The following WDR93 variants were observed in gnomAD, a reference collection of about 807,000 sequenced individuals.
WDR93 encodes WD repeat-containing protein 93.
In WDR93, 73 loss-of-function variants were observed where a neutral mutation model predicts 82.9. The ratio of observed to expected loss-of-function variants is 0.88; its 90% CI spans 0.73 to 1.07. WDR93 has a LOEUF of 1.07. WDR93 is among the 50% of genes least tolerant of loss of function. WDR93 has a pLI of 0.00. For missense variants in WDR93, 738 were observed against 826.0 expected, an observed-to-expected ratio of 0.89 and a Z score of 1.31; for synonymous variants, 283 against 300.1, an observed-to-expected ratio of 0.94 and a Z score of 0.59.
chr15:89,743,524 C>A lies in WDR93; in HGVS notation c.*133C>A. On this transcript the variant is annotated 3_prime_UTR_variant, in exon 17 of 17. Transcript: ENST00000268130. ...CTGCACTCGGAGTCTGGGGCCTCTG[C>A]AGAGCCAGCAAGGGGAAAAGTATAA... 1.3e-6 allele frequency: 1 copy of A among 775,066 alleles called. No individual in the cohort carries two copies. Among genetic ancestry groups the A allele is most frequent in the Non-Finnish European group, 2.1e-6 (1 of 482,766 alleles). The allele number at this position is 775,066 out of a possible 1,614,324, so 48.0% of individuals were successfully genotyped here. A position where few individuals can be genotyped will look rare whatever the true frequency, so the allele number is the denominator to read the frequency against.
chr15:89,721,268 G>A (rs1232491512), intron 7 of WDR93: 1 of 152,086 alleles, frequency 6.6e-6, no homozygotes, highest in East Asian at 1.9e-4. Context: ...CATAAAATGA[G>A]TTTCTTGGCC....
intron 5 of WDR93, 31 bp downstream of exon 5, chr15:89,712,135 A>G (rs1343294943): frequency 6.4e-7 from 1 of 1,553,238 alleles, no homozygotes; most frequent in African/African-American, 1.4e-5. Flanking sequence ...TTAAGGTTCA[A>G]ATTTTCAGTC....
At chr15:89,728,929 ACTAT>A (rs1966839170) in intron 9 of WDR93, 90 bp from the exon 10 acceptor site, 12 of 1,087,324 alleles carry the variant, frequency 1.1e-5, no homozygotes, top group Admixed American at 1.0e-4. Context: ...GTCCATTCTA[ACTAT>A]CTATTCTGGT....
At chr15:89,690,765 G>T, upstream of WDR93, 2 of 592,594 alleles carry the variant, frequency 3.4e-6, no homozygotes, top group South Asian at 2.1e-5. Context: ...CGCCCCAGAG[G>T]GGGCGGGCAC....
chr15:89,702,219 C>T (rs1278264718), intron 2 of WDR93, among the ~76,000 whole-genome samples, 170 bp downstream of exon 2: 1 of 152,166 alleles, frequency 6.6e-6, no homozygotes, highest in Non-Finnish European at 1.5e-5. Context: ...TGGTAATTGC[C>T]TGGGGAAATA....
intron 16 of WDR93, 128 bp downstream of exon 16, chr15:89,738,364 C>T (rs1352777815): frequency 1.4e-5 from 16 of 1,138,494 alleles, no homozygotes; most frequent in East Asian, 5.0e-5. Context: ...TGGTGGCTCA[C>T]GCCTGTAATC....
In WDR93 at chr15:89,699,834, CA is replaced by C. The variant is rs1469646230; in HGVS notation, c.-40-1872del. Among the ~76,000 whole-genome samples the C allele has an allele frequency of 5.3e-5, 8 of 152,162 alleles. No individual in the cohort carries two copies. In the South Asian group the frequency reaches 1.4e-3, roughly 28 times the overall value. ...TAGAAAGATATAGATATAACAGTTACAGCTTTATAACTTTGTGGAAAAAGTT... is the reference window on the plus strand; with the variant it reads ...TAGAAAGATATAGATATAACAGTTACGCTTTATAACTTTGTGGAAAAAGTT... On this transcript the variant is annotated intron_variant, in intron 1 of 16. Transcript: ENST00000268130.
At chr15:89,694,583 G>C (rs1965073515) in intron 1 of WDR93, among the ~76,000 whole-genome samples, 1 of 152,110 alleles carries the variant, frequency 6.6e-6, no homozygotes, top group Middle Eastern at 3.2e-3. Flanking sequence ...AAATACTCTG[G>C]ACAAAAGTAC....
intron 4 of WDR93, among the ~76,000 whole-genome samples, chr15:89,707,866 A>G (rs1055640117): frequency 5.3e-5 from 8 of 152,240 alleles, no homozygotes; most frequent in Admixed American, 5.2e-4. Context: ...CTTTATTTGT[A>G]ATAGCCAAAA....
intron 11 of WDR93, among the ~76,000 whole-genome samples, chr15:89,730,101 G>T (rs1966847029): frequency 6.6e-6 from 1 of 152,166 alleles, no homozygotes; most frequent in Non-Finnish European, 1.5e-5. Context: ...GAGGCGAGTG[G>T]ATCACCTGAG....
chr15:89,734,143 C>T (rs935681225), intron 13 of WDR93, among the ~76,000 whole-genome samples: 1 of 152,184 alleles, frequency 6.6e-6, no homozygotes, highest in African/African-American at 2.4e-5. Flanking sequence ...ATCAATCCTT[C>T]TTGCTCCGCC....
Position 89,733,909 on chromosome 15 carries a change from A to G in WDR93, c.1544+690A>G, listed in dbSNP as rs757074334. Reference sequence around the variant, plus strand: ...CCAAGAAGAGGCTCATTTCTCCCACAGTAAACTTCCATCAGTTTCTCCAGG... The same window carrying G: ...CCAAGAAGAGGCTCATTTCTCCCACGGTAAACTTCCATCAGTTTCTCCAGG... On this transcript the variant is annotated intron_variant, in intron 13 of 16. Transcript: ENST00000268130. Among the ~76,000 whole-genome samples the G allele has an allele frequency of 2.6e-5, 4 of 152,254 alleles. No individual in the cohort carries two copies. The South Asian group carries it at 6.2e-4, about 24-fold the overall frequency.
chr15:89,735,816 C>T (rs76652668), intron 14 of WDR93, among the ~76,000 whole-genome samples: 5,767 of 152,224 alleles, frequency 0.038, 392 homozygotes, highest in African/African-American at 0.13. Context: ...ATGCATGGAA[C>T]AGAGAGAGGG....
At chr15:89,705,082 T>G (rs1009215205) in intron 3 of WDR93, 1 of 165,422 alleles carries the variant, frequency 6.0e-6, no homozygotes, top group African/African-American at 2.4e-5. Context: ...TACTTATTAA[T>G]TCAACAAAAT....
chr15:89,734,565 A>C (rs763910722), intron 13 of WDR93, among the ~76,000 whole-genome samples: 22 of 152,334 alleles, frequency 1.4e-4, no homozygotes, highest in Non-Finnish European at 2.6e-4. Context: ...ATCCATGCCC[A>C]CATTCAAGCA....
chr15:89,694,290 G>A lies in WDR93; in HGVS notation c.-41+3433G>A, dbSNP rs185536476. 5.5e-3 allele frequency among the ~76,000 whole-genome samples: 759 copies of A among 137,028 alleles called. 7 individuals carry two copies. The highest frequency in any genetic ancestry group is 1.0e-2 in the Admixed American group (121 of 12,122). The allele number at this position is 137,028 out of a possible 152,430, so 89.9% of individuals were successfully genotyped here. A position where few individuals can be genotyped will look rare whatever the true frequency, so the allele number is the denominator to read the frequency against. The stretch of plus-strand genomic sequence containing the variant: ...TTTTGAGATGGAGTCTCGCTCTGTC[G>A]CCCAGGCTGGAGTGCAGTGGCACGA... On this transcript the variant is annotated intron_variant, in intron 1 of 16. Coordinates refer to ENST00000268130, the MANE Select transcript of WDR93 (RefSeq NM_020212.2).
chr15:89,705,007 A>G (rs560279713), intron 3 of WDR93: 1 of 155,840 alleles, frequency 6.4e-6, no homozygotes, highest in East Asian at 1.9e-4. Context: ...AGAGGTAAGA[A>G]TTCATCGTGG....
At chr15:89,709,565 A>G (rs1377028241) in intron 4 of WDR93, among the ~76,000 whole-genome samples, 1 of 151,742 alleles carries the variant, frequency 6.6e-6, no homozygotes, top group Non-Finnish European at 1.5e-5. Context: ...TATATAAAGA[A>G]CTCCAAATCA....
chr15:89,702,001 G>A lies in WDR93; in HGVS notation c.255G>A (p.Glu85=), dbSNP rs772912775. Residue 85 remains glutamate (E), a synonymous_variant, in exon 2 of 17, where the codon GAG becomes GAA. Transcript: ENST00000268130. The part of the protein sequence containing the change: ...IEERNALREA[E]SSQIQPTVYP... Reference sequence around the variant, plus strand: ...AGAGAAACGCACTGAGGGAAGCTGAGAGCAGCCAGATCCAGCCCACCGTCT... The same window carrying A: ...AGAGAAACGCACTGAGGGAAGCTGAAAGCAGCCAGATCCAGCCCACCGTCT... 6.2e-6 allele frequency: 10 copies of A among 1,612,792 alleles called. No homozygotes were observed. The highest frequency in any genetic ancestry group is 1.7e-5 in the Admixed American group (1 of 59,992).
Sources: gnomAD v4.1 joint callset for allele counts (sites outside exome capture counted in the v4.1 genomes callset) on GRCh38, gnomAD v4.1.1 for gene constraint, MANE v1.5 for transcripts, NCBI Gene and HGNC (gene_info 2026-07-23, HGNC 2026-07-21) for gene names.